The following DOCK3 variants were observed in gnomAD, a reference collection of about 807,000 sequenced individuals.
The protein encoded by DOCK3 is dedicator of cytokinesis protein 3.
A neutral mutation model predicts 265.6 loss-of-function variants in DOCK3; 60 were observed. The ratio of observed to expected loss-of-function variants is 0.23; its 90% CI spans 0.18 to 0.28. DOCK3 has a LOEUF of 0.28. Among genes scored for constraint, DOCK3 ranks in the 10% least tolerant of loss-of-function variants. DOCK3 has a pLI of 1.00. For synonymous variants in DOCK3, 881 were observed against 938.0 expected (o/e 0.94, Z 1.11); for missense variants, 1,981 against 2,594.3 (o/e 0.76, Z 5.14).
intron 2 of DOCK3, among the ~76,000 whole-genome samples, chr3:50,803,452 G>A (rs2043177583): frequency 6.6e-6 from 1 of 152,124 alleles, no homozygotes; most frequent in Non-Finnish European, 1.5e-5. Context: ...AGAACAAAAT[G>A]GAGTCTCCCA....
chr3:51,076,873 A>G lies in DOCK3; in HGVS notation c.549+1433A>G, dbSNP rs1255133518. On this transcript the variant is annotated intron_variant, in intron 7 of 52. Transcript: ENST00000266037. ...CCAGGAAACTATAAGACATTTCATA[A>G]CTTCGGCATAGAGTACCACTAACTC... is the stretch of plus-strand genomic sequence containing the variant. 2.0e-5 allele frequency among the ~76,000 whole-genome samples: 3 copies of G among 152,194 alleles called. No homozygotes were observed. The East Asian group carries it at 5.8e-4, about 29-fold the overall frequency.
chr3:51,225,070 A>T (rs1471149710), intron 14 of DOCK3, among the ~76,000 whole-genome samples: 1 of 152,148 alleles, frequency 6.6e-6, no homozygotes, highest in African/African-American at 2.4e-5. Flanking sequence ...AAACAAAAAG[A>T]AGAAAAAGCG....
At chr3:51,106,225 A>G (rs2083274345) in intron 9 of DOCK3, among the ~76,000 whole-genome samples, 1 of 152,192 alleles carries the variant, frequency 6.6e-6, no homozygotes, top group Non-Finnish European at 1.5e-5. Flanking sequence ...TCAGTTGGCT[A>G]GCCTCTCCCA....
intron 6 of DOCK3, 80 bp downstream of exon 6, chr3:51,064,676 G>C (rs1295681808): frequency 1.3e-6 from 2 of 1,514,680 alleles, no homozygotes; most frequent in Non-Finnish European, 1.8e-6. Context: ...CCTATACAAA[G>C]CTTCTCTTTA....
At chr3:51,029,115 G>T (rs1418967664) in intron 5 of DOCK3, among the ~76,000 whole-genome samples, 1 of 151,944 alleles carries the variant, frequency 6.6e-6, no homozygotes, top group African/African-American at 2.4e-5. Flanking sequence ...GGATATGACT[G>T]TGCTGTATGT....
intron 1 of DOCK3, among the ~76,000 whole-genome samples, chr3:50,688,522 G>A (rs1015077028): frequency 3.9e-5 from 6 of 152,112 alleles, no homozygotes; most frequent in African/African-American, 1.4e-4. Flanking sequence ...GCGTGCAGTG[G>A]TGCAATCTCG....
intron 5 of DOCK3, among the ~76,000 whole-genome samples, chr3:51,036,711 A>T (rs1276541182): frequency 6.6e-6 from 1 of 151,796 alleles, no homozygotes; most frequent in Non-Finnish European, 1.5e-5. Flanking sequence ...ACATGTCGAT[A>T]TGGTTTGGCT....
intron 1 of DOCK3, among the ~76,000 whole-genome samples, chr3:50,713,561 G>T (rs2036903503): frequency 6.6e-6 from 1 of 152,098 alleles, no homozygotes; most frequent in South Asian, 2.1e-4. Flanking sequence ...CACATTCAGT[G>T]TTTCAAGTAC....
intron 13 of DOCK3, among the ~76,000 whole-genome samples, chr3:51,211,460 T>C (rs1012100250): frequency 6.6e-6 from 1 of 152,242 alleles, no homozygotes; most frequent in South Asian, 2.1e-4. Context: ...GTTGGTGTGC[T>C]GCACCCATTA....
At chr3:50,938,886 G>C (rs1259829136) in intron 5 of DOCK3, among the ~76,000 whole-genome samples, 2 of 149,468 alleles carry the variant, frequency 1.3e-5, no homozygotes, top group Non-Finnish European at 3.0e-5. Context: ...GTGAGACTCT[G>C]TAAAAAAAAA....
chr3:51,128,076 T>C (rs1213013366), intron 9 of DOCK3, among the ~76,000 whole-genome samples: 2 of 152,214 alleles, frequency 1.3e-5, no homozygotes, highest in Non-Finnish European at 1.5e-5. Context: ...CAGGTGGCAA[T>C]CTTAACTTCA....
intron 21 of DOCK3, among the ~76,000 whole-genome samples, chr3:51,240,697 T>C (rs1048268111): frequency 6.6e-6 from 1 of 152,198 alleles, no homozygotes; most frequent in African/African-American, 2.4e-5. Flanking sequence ...TTCTTTGTCT[T>C]TTGCAGTCTT....
At chr3:50,996,429 G>A (rs2078287202) in intron 5 of DOCK3, among the ~76,000 whole-genome samples, 3 of 152,042 alleles carry the variant, frequency 2.0e-5, no homozygotes, top group African/African-American at 7.2e-5. Flanking sequence ...GTGTTAGCCA[G>A]GATGATCTCA....
At chr3:51,208,068 T>A (rs970648607) in intron 12 of DOCK3, among the ~76,000 whole-genome samples, 2 of 152,214 alleles carry the variant, frequency 1.3e-5, no homozygotes, top group Non-Finnish European at 2.9e-5. Context: ...AACATCAGAA[T>A]GTGAGAGAAA....
intron 5 of DOCK3, among the ~76,000 whole-genome samples, 192 bp from the exon 6 acceptor site, chr3:51,064,256 G>A (rs990711331): frequency 7.2e-5 from 11 of 152,144 alleles, no homozygotes; most frequent in African/African-American, 2.7e-4. Context: ...TTACTTTGTT[G>A]GATGTCACTA....
chr3:50,930,602 G>A (rs565013621), intron 4 of DOCK3, among the ~76,000 whole-genome samples: 3 of 152,330 alleles, frequency 2.0e-5, no homozygotes, highest in Non-Finnish European at 4.4e-5. Flanking sequence ...GTCTCCCCAG[G>A]CTCCCTTGGT....
intron 24 of DOCK3, among the ~76,000 whole-genome samples, chr3:51,271,876 T>TG (rs1311386448): frequency 4.1e-5 from 1 of 24,384 alleles, no homozygotes; most frequent in Non-Finnish European, 7.2e-5. Flanking sequence ...AAAAAGGCCC[T>TG]GAAAGGGGCC....
chr3:50,742,857 T>C (rs937966062), intron 1 of DOCK3, among the ~76,000 whole-genome samples: 1 of 152,072 alleles, frequency 6.6e-6, no homozygotes, highest in African/African-American at 2.4e-5. Context: ...ACCACAAAGA[T>C]ACTCCTTGAG....
intron 12 of DOCK3, among the ~76,000 whole-genome samples, chr3:51,205,053 T>C (rs2089097052): frequency 6.6e-6 from 1 of 152,064 alleles, no homozygotes; most frequent in Non-Finnish European, 1.5e-5. Context: ...CATTGGGAGA[T>C]ATACCTAATG....
Sources: allele counts gnomAD v4.1 joint callset (sites outside exome capture counted in the v4.1 genomes callset), GRCh38; gene constraint gnomAD v4.1.1; transcripts MANE v1.5; gene names NCBI Gene and HGNC (gene_info 2026-07-23, HGNC 2026-07-21).